Variants in PHF21A observed in about 807,000 individuals in gnomAD.
The protein encoded by PHF21A is PHD finger protein 21A.
PHF21A carries 11 observed loss-of-function variants against 82.5 expected under a neutral mutation model. The ratio of observed to expected loss-of-function variants is 0.13; its 90% confidence interval spans 0.08 to 0.22. The LOEUF is 0.22. PHF21A is among the 10% of genes least tolerant of loss of function. The probability of loss-of-function intolerance (pLI) is 1.00; values close to 1 mark genes in which losing one functional copy is unlikely to be tolerated. For missense variants in PHF21A, 579 were observed against 837.8 expected (o/e 0.69, Z 3.81); for synonymous variants, 297 against 302.8 (o/e 0.98, Z 0.20).
In PHF21A at chr11:45,971,261, A is replaced by G. The variant is rs2136079893; in HGVS notation, c.467T>C (p.Ile156Thr). ...PASVVGQRPT[I>T]AMVTAINSQK... is the part of the protein sequence containing the mutation. ...ACTGTTGATGGCGGTCACCATAGCA[A>G]TGGTAGGTCTCTGGCCCACCACAGA... The change falls in exon 8 of 19, where the codon ATT becomes ACT. Residue 156 changes from isoleucine to threonine, a missense_variant. Physicochemically the swap from Ile to Thr is moderately conservative, Grantham distance 89 (BLOSUM62 -1). Around this residue, in one of 3 missense-constraint regions of PHF21A, gnomAD observed 410 missense variants for 642.1 expected, o/e 0.64. Transcript: ENST00000676320. The G allele has an allele frequency of 1.2e-6, 2 of 1,614,198 alleles. No individual in the cohort carries two copies. Among genetic ancestry groups the G allele is most frequent in the Non-Finnish European group, 1.7e-6 (2 of 1,180,036 alleles).
intron 10 of PHF21A, 93 bp downstream of exon 10, chr11:45,965,222 A>T: frequency 9.9e-7 from 1 of 1,011,524 alleles, no homozygotes; most frequent in Non-Finnish European, 1.5e-6. Context: ...TGAGATGAAG[A>T]GCCCTTGAGA....
chr11:45,965,518 C>G lies in PHF21A; in HGVS notation c.793G>C (p.Val265Leu). The change falls in exon 10 of 19, where the codon GTC becomes CTC. Residue 265 changes from valine to leucine, a missense_variant. Transcript: ENST00000676320. Reference sequence around the variant, plus strand: ...GTGGGGGTGAACTTGGTCAGCATGACGGGCCTCTGGATAAGCTGAGGAGCT... The same window carrying G: ...GTGGGGGTGAACTTGGTCAGCATGAGGGGCCTCTGGATAAGCTGAGGAGCT... ...LAAPQLIQRP[V>L]MLTKFTPTTL... 4.3e-6 allele frequency: 7 copies of G among 1,610,578 alleles called. No individual in the cohort carries two copies. The highest frequency in any genetic ancestry group is 5.9e-6 in the Non-Finnish European group (7 of 1,178,134).
chr11:46,072,378 T>C (rs747104694), intron 6 of PHF21A, among the ~76,000 whole-genome samples: 2 of 152,180 alleles, frequency 1.3e-5, no homozygotes, highest in African/African-American at 2.4e-5. Flanking sequence ...TTGCTCTTTG[T>C]TGCTTCTCCC....
chr11:46,082,591 C>G (rs1012261756), intron 4 of PHF21A, among the ~76,000 whole-genome samples: 4 of 152,056 alleles, frequency 2.6e-5, no homozygotes, highest in Non-Finnish European at 4.4e-5. Flanking sequence ...ATGCTCAAAG[C>G]TGACAGTTAA....
intron 6 of PHF21A, among the ~76,000 whole-genome samples, chr11:46,018,228 C>T (rs1431068590): frequency 7.9e-5 from 11 of 139,846 alleles, no homozygotes; most frequent in Admixed American, 7.4e-4. Context: ...CCAGCCTGGG[C>T]GACAGAGCGA....
At chr11:45,952,085 G>A (rs531049216) in intron 11 of PHF21A, among the ~76,000 whole-genome samples, 4 of 152,320 alleles carry the variant, frequency 2.6e-5, no homozygotes, top group Admixed American at 6.5e-5. Flanking sequence ...GATTACAGGC[G>A]TGAGCCACCG....
At chr11:46,119,067 G>A (rs1852207729) in intron 1 of PHF21A, among the ~76,000 whole-genome samples, 1 of 151,170 alleles carries the variant, frequency 6.6e-6, no homozygotes, top group Non-Finnish European at 1.5e-5. Flanking sequence ...TCCCTATCAA[G>A]TGAACCTGTG....
intron 1 of PHF21A, among the ~76,000 whole-genome samples, chr11:46,111,005 G>A (rs1192298702): frequency 1.3e-5 from 2 of 150,772 alleles, no homozygotes; most frequent in Admixed American, 6.6e-5. Context: ...GGCTGGTCTC[G>A]AACTCTTGAC....
chr11:45,987,660 CAAAAAAAAAAA>C lies in PHF21A; in HGVS notation c.154-7705_154-7695del, dbSNP rs71038877. ...TGGGTGACAGAGCAAGACCCCGTCTCAAAAAAAAAAAAAAAAAAAAAAAAAAAGCACCTGAA... is the reference window on the plus strand; with the variant it reads ...TGGGTGACAGAGCAAGACCCCGTCTCAAAAAAAAAAAAAAAAGCACCTGAA... On this transcript the variant is annotated intron_variant, in intron 6 of 18. Coordinates refer to ENST00000676320, the MANE Select transcript of PHF21A (RefSeq NM_001352027.3). 2.6e-4 allele frequency among the ~76,000 whole-genome samples: 9 copies of C among 34,912 alleles called. 1 individual carries two copies. The highest frequency in any genetic ancestry group is 4.1e-3 in the South Asian group (2 of 482). 22.9% of individuals were successfully genotyped at this position (34,912 alleles called of 152,430 possible). A position where few individuals can be genotyped will look rare whatever the true frequency, so the allele number is the denominator to read the frequency against.
chr11:46,046,717 C>T (rs1412358625), intron 6 of PHF21A, among the ~76,000 whole-genome samples: 1 of 139,294 alleles, frequency 7.2e-6, no homozygotes, highest in Non-Finnish European at 1.6e-5. Flanking sequence ...GGTGGTAATG[C>T]AGATGGCAAA....
intron 1 of PHF21A, among the ~76,000 whole-genome samples, chr11:46,093,115 A>G (rs1024819439): frequency 1.3e-5 from 2 of 152,194 alleles, no homozygotes; most frequent in Non-Finnish European, 2.9e-5. Flanking sequence ...TCTATGCCAC[A>G]TATCTAATCA....
intron 6 of PHF21A, among the ~76,000 whole-genome samples, chr11:46,038,001 C>T (rs1041081183): frequency 2.6e-5 from 4 of 152,038 alleles, no homozygotes; most frequent in African/African-American, 9.7e-5. Context: ...ATCTCTTTGA[C>T]ACTTGCTTTA....
intron 6 of PHF21A, among the ~76,000 whole-genome samples, chr11:46,007,735 T>C (rs992568073): frequency 1.3e-5 from 2 of 152,244 alleles, no homozygotes; most frequent in Non-Finnish European, 2.9e-5. Flanking sequence ...CAAAAAACGA[T>C]GTGAAAGAAG....
intron 1 of PHF21A, among the ~76,000 whole-genome samples, chr11:46,099,508 G>A (rs937656901): frequency 8.3e-6 from 1 of 120,346 alleles, no homozygotes; most frequent in Non-Finnish European, 1.8e-5. Flanking sequence ...TGCCTTTCAG[G>A]CTATAGAAAA....
chr11:46,021,024 G>C (rs1047063345), intron 6 of PHF21A, among the ~76,000 whole-genome samples: 1 of 151,344 alleles, frequency 6.6e-6, no homozygotes, highest in Admixed American at 6.6e-5. Context: ...ACACTGAGGA[G>C]TATCTGAATA....
chr11:45,951,048 C>T (rs2092041085), intron 11 of PHF21A, among the ~76,000 whole-genome samples: 1 of 152,092 alleles, frequency 6.6e-6, no homozygotes, highest in Non-Finnish European at 1.5e-5. Context: ...AATACTGGGC[C>T]CTGAAGATGG....
At position 45,938,063 on chromosome 11, in the gene PHF21A, GA is replaced by G. The variant is rs1184117623; in HGVS notation, c.1608+93del. On this transcript the variant is annotated intron_variant, in intron 16 of 18. Coordinates refer to ENST00000676320, the MANE Select transcript of PHF21A (RefSeq NM_001352027.3). ...CAGCCCGGAGACGGACTGGGAGAGA[GA>G]AGAGACTGCCATTTCCCCGGGAAAG... 5 of 1,105,762 alleles carry G rather than the reference GA, an allele frequency of 4.5e-6. No individual in the cohort carries two copies. The African/African-American group carries it at 6.2e-5, about 14-fold the overall frequency. 68.5% of individuals were successfully genotyped at this position (1,105,762 alleles called of 1,614,324 possible).
In PHF21A at chr11:45,929,766, C is replaced by G. The variant is rs1023958902; in HGVS notation, c.*4202G>C. On this transcript the variant is annotated 3_prime_UTR_variant, in exon 19 of 19. Coordinates refer to ENST00000676320, the MANE Select transcript of PHF21A (RefSeq NM_001352027.3). ...GTATTTTTCAGAGTTCCTACCCCGG[C>G]TTTCTGGAGGGCAGCCCCAGCTTCC... 6.6e-6 allele frequency: 1 copy of G among 152,328 alleles called. No homozygotes were observed. Among genetic ancestry groups the G allele is most frequent in the African/African-American group, 2.4e-5 (1 of 41,456 alleles). 9.4% of individuals were successfully genotyped at this position (152,328 alleles called of 1,614,324 possible).
At chr11:45,946,241 T>C in intron 14 of PHF21A, 2 of 862,424 alleles carry the variant, frequency 2.3e-6, no homozygotes, top group Non-Finnish European at 3.8e-6. Context: ...CTCTGGAGAA[T>C]GACAGAAGGT....
Sources: allele counts gnomAD v4.1 joint callset (sites outside exome capture counted in the v4.1 genomes callset), GRCh38; gene constraint gnomAD v4.1.1; regional missense constraint gnomAD v4.1.1; transcripts MANE v1.5; gene names NCBI Gene and HGNC (gene_info 2026-07-23, HGNC 2026-07-21).